Variants in PIK3C2B observed in about 807,000 individuals in gnomAD.
PIK3C2B encodes the protein phosphatidylinositol 4-phosphate 3-kinase C2 domain-containing subunit beta.
In PIK3C2B, 83 loss-of-function variants were observed where a neutral mutation model predicts 184.3. The observed-to-expected ratio is 0.45, with a 90% CI of 0.38 to 0.54. The LOEUF (loss-of-function observed/expected upper bound fraction) is 0.54, where lower values mean the gene tolerates loss of function less well. PIK3C2B is among the 20% of genes least tolerant of loss of function. The probability of loss-of-function intolerance (pLI) is 0.00; values close to 1 mark genes in which losing one functional copy is unlikely to be tolerated. For missense variants in PIK3C2B, 1,736 were observed against 2,113.5 expected (o/e 0.82, Z 3.50); for synonymous variants, 779 against 837.6 (o/e 0.93, Z 1.21).
chr1:204,480,305 C>T, intron 1 of PIK3C2B, among the ~76,000 whole-genome samples: 1 of 152,248 alleles, frequency 6.6e-6, no homozygotes, highest in East Asian at 1.9e-4. Flanking sequence ...CTCAGATGTC[C>T]AAAAGGTTCT....
intron 11 of PIK3C2B, 62 bp from the exon 12 acceptor site, chr1:204,454,853 G>C (rs962018357): frequency 7.7e-6 from 12 of 1,559,052 alleles, no homozygotes; most frequent in Non-Finnish European, 9.5e-6. Flanking sequence ...CCAAACCTAT[G>C]CGTCCCTCTA....
Position 204,447,290 on chromosome 1 carries a change from G to C in PIK3C2B, c.2489+146C>G, listed in dbSNP as rs925823167. 7 of 692,794 alleles carry C rather than the reference G, an allele frequency of 1.0e-5. No homozygotes were observed. Among genetic ancestry groups the C allele is most frequent in the East Asian group, 2.7e-5 (1 of 37,110 alleles). The allele number at this position is 692,794 out of a possible 1,614,324, so 42.9% of individuals were successfully genotyped here. A position where few individuals can be genotyped will look rare whatever the true frequency, so the allele number is the denominator to read the frequency against. ...CCACTTTTCCTAGTGTCAGCTGATG[G>C]AGAAAGGCCTGGGGGCTGCCTCCAC... is the stretch of plus-strand genomic sequence containing the variant. On this transcript the variant is annotated intron_variant, in intron 15 of 32. Coordinates refer to ENST00000684373, the MANE Select transcript of PIK3C2B (RefSeq NM_001377334.1). This position sits in a 1 kb window ranked among gnomAD's most constrained non-coding sequence, Gnocchi z 4.1.
chr1:204,460,738 G>A lies in PIK3C2B; in HGVS notation c.1311-77C>T, dbSNP rs576805259. The stretch of plus-strand genomic sequence containing the variant: ...GGGAGATACATACCTTAGCCTTGGG[G>A]AGAGACATACAGAAAGAAGGTTTAG... On this transcript the variant is annotated intron_variant, in intron 5 of 32. Transcript: ENST00000684373. 1.1e-5 allele frequency: 10 copies of A among 907,822 alleles called. No homozygotes were observed. The East Asian group carries it at 2.2e-4, about 20-fold the overall frequency. 56.2% of individuals were successfully genotyped at this position (907,822 alleles called of 1,614,324 possible).
intron 13 of PIK3C2B, among the ~76,000 whole-genome samples, chr1:204,449,514 G>A (rs931272067): frequency 2.6e-5 from 4 of 152,204 alleles, no homozygotes; most frequent in African/African-American, 7.2e-5. Flanking sequence ...TGGTCTGGAT[G>A]ACCTGGTGGC....
rs558212193 is a variant in PIK3C2B, at chr1:204,438,458, C to T, written c.3516+477G>A. On this transcript the variant is annotated intron_variant, in intron 23 of 32. Transcript: ENST00000684373. ...CCTCAATCCTAGCTTTGAGTTACAGCCTTGCCACATATCAGCTCCATAACT... is the reference window on the plus strand; with the variant it reads ...CCTCAATCCTAGCTTTGAGTTACAGTCTTGCCACATATCAGCTCCATAACT... 2.0e-5 allele frequency among the ~76,000 whole-genome samples: 3 copies of T among 152,310 alleles called. No homozygotes were observed. The South Asian group carries it at 6.2e-4, about 32-fold the overall frequency.
chr1:204,450,139 T>C (rs972883710), intron 12 of PIK3C2B, 122 bp from the exon 13 acceptor site: 1 of 811,650 alleles, frequency 1.2e-6, no homozygotes. Context: ...GGTTCAGACA[T>C]ACTCCCTGAG....
intron 2 of PIK3C2B, among the ~76,000 whole-genome samples, chr1:204,467,543 A>G (rs566537314): frequency 6.6e-4 from 100 of 152,310 alleles, no homozygotes; most frequent in Middle Eastern, 3.4e-3. Flanking sequence ...CTGTCACAGA[A>G]GGCATCAGCA....
chr1:204,445,811 A>T (rs1653804891), intron 16 of PIK3C2B, 145 bp downstream of exon 16: 1 of 527,162 alleles, frequency 1.9e-6, no homozygotes, highest in Non-Finnish European at 3.3e-6. Flanking sequence ...AGAAAGAAAA[A>T]GCAAAAAGGA....
chr1:204,479,021 T>C (rs911263510), intron 1 of PIK3C2B, among the ~76,000 whole-genome samples: 4 of 152,214 alleles, frequency 2.6e-5, no homozygotes, highest in African/African-American at 9.6e-5. Flanking sequence ...CTCTGTGTTA[T>C]GAGGAGACCA....
chr1:204,450,095 G>C, intron 12 of PIK3C2B, 78 bp from the exon 13 acceptor site: 1 of 1,176,850 alleles, frequency 8.5e-7, no homozygotes, highest in Non-Finnish European at 1.2e-6. Context: ...AAGTCAGGCT[G>C]AGGCTGAGGC....
chr1:204,430,351 T>C, intron 28 of PIK3C2B, among the ~76,000 whole-genome samples: 1 of 121,324 alleles, frequency 8.2e-6, no homozygotes, highest in Non-Finnish European at 1.8e-5. Flanking sequence ...GTAAAAATCC[T>C]TTTTTTTTTT....
At chr1:204,425,159 C>A in intron 32 of PIK3C2B, 119 bp from the exon 33 acceptor site, 2 of 741,630 alleles carry the variant, frequency 2.7e-6, no homozygotes, top group Non-Finnish European at 4.5e-6. Flanking sequence ...GGCTAGCACT[C>A]ACCCTGCAGA....
At chr1:204,455,807 G>C (rs370125948) in intron 11 of PIK3C2B, 49 bp downstream of exon 11, 4 of 1,430,908 alleles carry the variant, frequency 2.8e-6, no homozygotes, top group Non-Finnish European at 3.9e-6. Flanking sequence ...AGCCCTGGTG[G>C]AGGTCAAACT....
chr1:204,446,186 G>C (rs771183214), intron 15 of PIK3C2B, 42 bp from the exon 16 acceptor site: 1 of 1,435,936 alleles, frequency 7.0e-7, no homozygotes, highest in Non-Finnish European at 9.5e-7. Context: ...GGAGGGTAGG[G>C]GGCAGTGAGA....
chr1:204,473,012 A>G (rs1333072543), intron 1 of PIK3C2B, among the ~76,000 whole-genome samples: 1 of 152,220 alleles, frequency 6.6e-6, no homozygotes, highest in African/African-American at 2.4e-5. Context: ...TTTCATAAAA[A>G]TTATCAGAAA....
chr1:204,480,828 C>T (rs968413226), intron 1 of PIK3C2B, among the ~76,000 whole-genome samples: 3 of 152,092 alleles, frequency 2.0e-5, no homozygotes, highest in Non-Finnish European at 2.9e-5. Context: ...TCTTTCTTCC[C>T]TTGGGATAGG....
chr1:204,453,777 A>AT (rs35689799), intron 12 of PIK3C2B, among the ~76,000 whole-genome samples: 129,662 of 148,120 alleles, frequency 0.88, 58,540 homozygotes, highest in Non-Finnish European at 0.99. Flanking sequence ...CTAACATTTA[A>AT]TTTTTTTTTT....
At chr1:204,437,010 A>G (rs1040896306) in intron 23 of PIK3C2B, among the ~76,000 whole-genome samples, 14 of 152,192 alleles carry the variant, frequency 9.2e-5, no homozygotes, top group African/African-American at 2.7e-4. Flanking sequence ...TGCAGAAATG[A>G]AAGTAGTAGC....
In PIK3C2B at chr1:204,427,245, C is replaced by T. The variant is rs148747960; in HGVS notation, c.4587+403G>A. Among the ~76,000 whole-genome samples, 63 of 152,308 alleles carry T rather than the reference C, an allele frequency of 4.1e-4. No individual in the cohort carries two copies. The East Asian group carries it at 0.012, about 28-fold the overall frequency. On this transcript the variant is annotated intron_variant, in intron 31 of 32. Transcript: ENST00000684373. ...CCTTGATCATATTCAAAGGATGTCACGTGGCTGCTCAATCATTATAGCCAG... is the reference window on the plus strand; with the variant it reads ...CCTTGATCATATTCAAAGGATGTCATGTGGCTGCTCAATCATTATAGCCAG...
Sources: gnomAD v4.1 joint callset for allele counts (sites outside exome capture counted in the v4.1 genomes callset) on GRCh38, gnomAD v4.1.1 for gene constraint, Gnocchi (gnomAD v3.1) non-coding constraint, MANE v1.5 for transcripts, NCBI Gene and HGNC (gene_info 2026-07-23, HGNC 2026-07-21) for gene names.